SPECC1: variants seen among roughly 807,000 people sequenced by gnomAD.
SPECC1 encodes the protein sperm antigen with calponin homology and coiled-coil domains 1.
In SPECC1, 62 loss-of-function variants were observed where a neutral mutation model predicts 104.1. The ratio of observed to expected loss-of-function variants is 0.60; its 90% CI spans 0.49 to 0.74. The LOEUF (loss-of-function observed/expected upper bound fraction) is 0.74. Ranked by LOEUF, SPECC1 falls within the 30% of genes least tolerant of loss-of-function variation. The pLI is 0.00. For missense variants in SPECC1, 1,306 were observed against 1,310.5 expected, an observed-to-expected ratio of 1.00 and a Z score of 0.05; for synonymous variants, 513 against 501.6, an observed-to-expected ratio of 1.02 and a Z score of -0.30.
chr17:20,162,835 C>G (rs1008920162), intron 3 of SPECC1, among the ~76,000 whole-genome samples: 2 of 152,198 alleles, frequency 1.3e-5, no homozygotes, highest in Admixed American at 1.3e-4. Context: ...CGAGACCAGC[C>G]TGACCAACAT....
intron 1 of SPECC1, among the ~76,000 whole-genome samples, chr17:20,074,599 C>T (rs755252796): frequency 1.1e-4 from 16 of 152,114 alleles, no homozygotes; most frequent in Admixed American, 6.6e-5. Flanking sequence ...CACCCCTTCT[C>T]GATAGAATGC....
chr17:20,144,227 G>A (rs1333735811), intron 3 of SPECC1, among the ~76,000 whole-genome samples: 4 of 130,148 alleles, frequency 3.1e-5, no homozygotes, highest in Admixed American at 1.8e-4. Context: ...GTCTGTCACC[G>A]AGGCTGGAGT....
At position 20,317,252 on chromosome 17, in the gene SPECC1, T is replaced by TA. The variant is rs1241681207; in HGVS notation, c.*3194dup. The TA allele has an allele frequency of 4.5e-3, 634 of 139,500 alleles. 17 individuals carry two copies. Among genetic ancestry groups the TA allele is most frequent in the Non-Finnish European group, 6.6e-3 (459 of 69,726 alleles). The allele number at this position is 139,500 out of a possible 1,614,324, so 8.6% of individuals were successfully genotyped here. On this transcript the variant is annotated 3_prime_UTR_variant, in exon 15 of 15. Transcript: ENST00000395527. ...CAACATGGCAAGACCTCTGACTCTA[T>TA]AAAAAAATTTTTTTTTTTTTTTTTT... is the stretch of plus-strand genomic sequence containing the variant.
At chr17:20,042,780 T>C (rs1005274749) in intron 1 of SPECC1, among the ~76,000 whole-genome samples, 15 of 152,184 alleles carry the variant, frequency 9.9e-5, no homozygotes, top group Admixed American at 2.0e-4. Flanking sequence ...GCCTGCTGCT[T>C]CAGCTCCAAG....
intron 3 of SPECC1, among the ~76,000 whole-genome samples, chr17:20,173,465 C>A (rs1488114840): frequency 6.6e-6 from 1 of 152,148 alleles, no homozygotes; most frequent in Non-Finnish European, 1.5e-5. Context: ...GAGAAATAAA[C>A]CTGGGCTCAC....
At chr17:20,209,130 C>G (rs934224668) in intron 4 of SPECC1, among the ~76,000 whole-genome samples, 1 of 152,132 alleles carries the variant, frequency 6.6e-6, no homozygotes, top group Non-Finnish European at 1.5e-5. Context: ...TGCTTGCATT[C>G]CTGGGGTAAA....
In SPECC1 at chr17:20,204,321, T is replaced by C; in HGVS notation, c.284-12T>C. ...CTTTATTTTTTCATTTTTTTCTTCTTCTGTCTTTAAGGGGCCTTTACAACA... is the reference window on the plus strand; with the variant it reads ...CTTTATTTTTTCATTTTTTTCTTCTCCTGTCTTTAAGGGGCCTTTACAACA... On this transcript the variant is annotated splice_polypyrimidine_tract_variant and intron_variant, in intron 3 of 14. Transcript: ENST00000395527. 1.3e-6 allele frequency: 2 copies of C among 1,584,288 alleles called. No individual in the cohort carries two copies. Among genetic ancestry groups the C allele is most frequent in the Non-Finnish European group, 1.7e-6 (2 of 1,169,624 alleles).
At chr17:20,132,675 T>C (rs1406350267) in intron 3 of SPECC1, among the ~76,000 whole-genome samples, 1 of 151,744 alleles carries the variant, frequency 6.6e-6, no homozygotes, top group Non-Finnish European at 1.5e-5. Context: ...TTCAAGCAGT[T>C]GGTCCATGTC....
chr17:20,046,497 A>G (rs979741424), intron 1 of SPECC1, among the ~76,000 whole-genome samples: 8 of 152,182 alleles, frequency 5.3e-5, no homozygotes, highest in Non-Finnish European at 1.0e-4. Flanking sequence ...ATAGACAGAA[A>G]TCCCTGCCCC....
chr17:20,298,948 A>AGAGTGTGTGTGTGTGTGTGTGTGTGTGT lies in SPECC1; in HGVS notation c.3057+1872_3057+1873insAGTGTGTGTGTGTGTGTGTGTGTGTGTG. Among the ~76,000 whole-genome samples the AGAGTGTGTGTGTGTGTGTGTGTGTGTGT allele has an allele frequency of 9.2e-4, 45 of 49,048 alleles. 1 individual carries two copies. Among genetic ancestry groups the AGAGTGTGTGTGTGTGTGTGTGTGTGTGT allele is most frequent in the Non-Finnish European group, 1.4e-3 (38 of 27,254 alleles). 32.2% of individuals were successfully genotyped at this position (49,048 alleles called of 152,430 possible). A position where few individuals can be genotyped will look rare whatever the true frequency, so the allele number is the denominator to read the frequency against. On this transcript the variant is annotated intron_variant, in intron 13 of 14. Transcript: ENST00000395527. ...GAGAGAGAGAGAGAGAGAGAGAGAG[A>AGAGTGTGTGTGTGTGTGTGTGTGTGTGT]GTGTGTGTGTGTGTGTGTGTGTGTA...
chr17:20,080,859 C>T (rs558590631), intron 1 of SPECC1, among the ~76,000 whole-genome samples: 1 of 152,192 alleles, frequency 6.6e-6, no homozygotes, highest in East Asian at 1.9e-4. Flanking sequence ...AGGGCCAGGC[C>T]CACATGATGG....
intron 7 of SPECC1, among the ~76,000 whole-genome samples, chr17:20,240,908 T>C (rs775584892): frequency 1.2e-4 from 18 of 152,328 alleles, no homozygotes; most frequent in Middle Eastern, 3.4e-3. Context: ...CTCTCTTGAG[T>C]GCAGTTTCCC....
intron 3 of SPECC1, among the ~76,000 whole-genome samples, chr17:20,194,671 A>G (rs1483824012): frequency 6.6e-6 from 1 of 151,186 alleles, no homozygotes; most frequent in Non-Finnish European, 1.5e-5. Context: ...ACGCCTAGCT[A>G]CTTTTTTGTA....
At chr17:20,073,971 A>G (rs1458491515) in intron 1 of SPECC1, among the ~76,000 whole-genome samples, 2 of 152,224 alleles carry the variant, frequency 1.3e-5, no homozygotes, top group Non-Finnish European at 2.9e-5. Context: ...CTTGCAAGGA[A>G]AGGATGATTA....
intron 4 of SPECC1, among the ~76,000 whole-genome samples, chr17:20,220,936 CA>C (rs1206033236): frequency 6.6e-6 from 1 of 152,110 alleles, no homozygotes; most frequent in African/African-American, 2.4e-5. Context: ...TTGAAATGAC[CA>C]TATGGTTTTT....
At chr17:20,068,670 A>G (rs1411858827) in intron 1 of SPECC1, among the ~76,000 whole-genome samples, 4 of 152,218 alleles carry the variant, frequency 2.6e-5, no homozygotes, top group African/African-American at 9.6e-5. Flanking sequence ...TCTTTTGGCT[A>G]GAGCCATCCC....
chr17:20,244,854 G>T (rs915003902), intron 7 of SPECC1, among the ~76,000 whole-genome samples: 9 of 152,220 alleles, frequency 5.9e-5, no homozygotes, highest in African/African-American at 2.2e-4. Context: ...CAATGAGAAG[G>T]TTGGGAGTTC....
chr17:20,081,418 G>C (rs1381318406), intron 1 of SPECC1, among the ~76,000 whole-genome samples: 1 of 152,102 alleles, frequency 6.6e-6, no homozygotes, highest in East Asian at 1.9e-4. Flanking sequence ...GTGCAGCAGA[G>C]CACAGGGAAT....
At chr17:20,096,591 A>G (rs2047655110) in intron 1 of SPECC1, 40 bp from the exon 2 acceptor site, 1 of 1,564,826 alleles carries the variant, frequency 6.4e-7, no homozygotes, top group Non-Finnish European at 8.7e-7. Flanking sequence ...CAGCAGGTTC[A>G]AGTGATGGAG....
Sources: allele counts gnomAD v4.1 joint callset (sites outside exome capture counted in the v4.1 genomes callset), GRCh38; gene constraint gnomAD v4.1.1; transcripts MANE v1.5; gene names NCBI Gene and HGNC (gene_info 2026-07-23, HGNC 2026-07-21).